Variants in CKAP5 observed in about 807,000 individuals in gnomAD.
CKAP5 encodes cytoskeleton-associated protein 5.
Under a neutral mutation model 232.8 loss-of-function variants are expected in CKAP5, and 27 were observed. That is an observed-to-expected ratio of 0.12 (90% CI 0.09 to 0.16). The LOEUF (loss-of-function observed/expected upper bound fraction) is 0.16, where lower values mean the gene tolerates loss of function less well. Ranked by LOEUF, CKAP5 falls within the 10% of genes least tolerant of loss-of-function variation. The pLI, the probability that CKAP5 is intolerant of heterozygous loss-of-function variation, is 1.00. For synonymous variants in CKAP5, 785 were observed against 841.1 expected (o/e 0.93, Z 1.16); for missense variants, 1,838 against 2,424.7 (o/e 0.76, Z 5.08).
At position 46,795,474 on chromosome 11, in the gene CKAP5, C is replaced by T. The variant is rs546196812; in HGVS notation, c.1650+120G>A. ...CCTATCTTCATTAACAGATTTTCTGCTGTATTTTTAATGTGGCCAATGAAT... is the reference window on the plus strand; with the variant it reads ...CCTATCTTCATTAACAGATTTTCTGTTGTATTTTTAATGTGGCCAATGAAT... On this transcript the variant is annotated intron_variant, in intron 13 of 43. Coordinates refer to ENST00000529230, the MANE Select transcript of CKAP5 (RefSeq NM_001008938.4). 73 of 736,874 alleles carry T rather than the reference C, an allele frequency of 9.9e-5. No individual in the cohort carries two copies. The African/African-American group carries it at 1.3e-3, about 13-fold the overall frequency. The allele number at this position is 736,874 out of a possible 1,614,324, so 45.6% of individuals were successfully genotyped here. A position where few individuals can be genotyped will look rare whatever the true frequency, so the allele number is the denominator to read the frequency against.
At chr11:46,773,112 C>G (rs1271451433) in intron 24 of CKAP5, among the ~76,000 whole-genome samples, 1 of 152,118 alleles carries the variant, frequency 6.6e-6, no homozygotes, top group Non-Finnish European at 1.5e-5. Context: ...AGGTAATTCT[C>G]TTTCATTACT....
chr11:46,797,892 A>G lies in CKAP5; in HGVS notation c.1251T>C (p.Ser417=). ...GGCGGAAACTTCTTGCAATAAAAAG[A>G]GATGTCTGCTGCTTGATGGTTGGAT... The part of the protein sequence containing the change: ...NKNPTIKQQT[S]LFIARSFRHC... The change falls in exon 11 of 44, where the codon TCT becomes TCC. Residue 417 remains serine (S), a synonymous_variant. Coordinates refer to ENST00000529230, the MANE Select transcript of CKAP5 (RefSeq NM_001008938.4). The G allele has an allele frequency of 6.2e-7, 1 of 1,614,102 alleles. No individual in the cohort carries two copies. The highest frequency in any genetic ancestry group is 1.1e-5 in the South Asian group (1 of 91,080).
At chr11:46,821,525 C>T (rs186450437) in intron 1 of CKAP5, among the ~76,000 whole-genome samples, 335 of 147,192 alleles carry the variant, frequency 2.3e-3, no homozygotes, top group African/African-American at 8.0e-3. Context: ...CCTGGGCTGA[C>T]GCCATTCTCC....
At chr11:46,835,875 TAATC>T (rs1355274969) in intron 1 of CKAP5, among the ~76,000 whole-genome samples, 1 of 152,216 alleles carries the variant, frequency 6.6e-6, no homozygotes, top group Non-Finnish European at 1.5e-5. Flanking sequence ...AACACTAACT[TAATC>T]AAGTGATCAT....
chr11:46,798,022 A>G (rs1938921409), intron 10 of CKAP5, 53 bp from the exon 11 acceptor site: 5 of 1,604,836 alleles, frequency 3.1e-6, no homozygotes, highest in Non-Finnish European at 4.3e-6. Flanking sequence ...AAGAACAATC[A>G]AAATATTATA....
chr11:46,833,909 G>T (rs1939854687), intron 1 of CKAP5, among the ~76,000 whole-genome samples: 1 of 151,766 alleles, frequency 6.6e-6, no homozygotes, highest in Non-Finnish European at 1.5e-5. Flanking sequence ...TGCTCTTGTT[G>T]CCCAGGCTGG....
chr11:46,789,973 C>T (rs183568171), intron 15 of CKAP5, 103 bp downstream of exon 15: 333 of 697,426 alleles, frequency 4.8e-4, no homozygotes, highest in African/African-American at 4.6e-3. Flanking sequence ...ACGTGTTCAC[C>T]GGTTATAAAA....
At chr11:46,831,612 T>G (rs1939795344) in intron 1 of CKAP5, among the ~76,000 whole-genome samples, 2 of 152,106 alleles carry the variant, frequency 1.3e-5, no homozygotes, top group Non-Finnish European at 2.9e-5. Flanking sequence ...CACTCTAGTC[T>G]CATCCTCCCA....
intron 8 of CKAP5, among the ~76,000 whole-genome samples, chr11:46,804,159 A>G (rs1279956165): frequency 6.6e-6 from 1 of 152,202 alleles, no homozygotes; most frequent in African/African-American, 2.4e-5. Flanking sequence ...CTAGACACTC[A>G]TGATCTTATT....
intron 8 of CKAP5, among the ~76,000 whole-genome samples, chr11:46,805,603 C>T (rs1453645455): frequency 6.6e-6 from 1 of 152,092 alleles, no homozygotes; most frequent in East Asian, 1.9e-4. Flanking sequence ...CAACATAATA[C>T]AAAGTTTGTG....
At chr11:46,827,508 T>TCCCA (rs983255538) in intron 1 of CKAP5, among the ~76,000 whole-genome samples, 1 of 151,978 alleles carries the variant, frequency 6.6e-6, no homozygotes, top group Admixed American at 6.6e-5. Flanking sequence ...ACAAGACTAG[T>TCCCA]CCCAGCTACT....
intron 30 of CKAP5, 46 bp downstream of exon 30, chr11:46,762,930 C>T (rs780589694): frequency 1.3e-6 from 2 of 1,538,916 alleles, no homozygotes; most frequent in African/African-American, 1.4e-5. Context: ...AAACTGAGGT[C>T]AGCTGGGAAC....
chr11:46,830,132 G>A lies in CKAP5; in HGVS notation c.-37-8864C>T, dbSNP rs1418765612. ...CCCAATGGAGAAAGTGATATGAAGA[G>A]GGATCAGAGAAAGATTAGAATAGAG... On this transcript the variant is annotated intron_variant, in intron 1 of 43. Coordinates refer to ENST00000529230, the MANE Select transcript of CKAP5 (RefSeq NM_001008938.4). 2.0e-5 allele frequency among the ~76,000 whole-genome samples: 3 copies of A among 151,918 alleles called. No homozygotes were observed. The East Asian group carries it at 5.8e-4, about 29-fold the overall frequency.
In CKAP5 at chr11:46,778,202, T is replaced by C. The variant is rs747566855; in HGVS notation, c.2685A>G (p.Gln895=). ...CAGTTGGAAGTTCACCTATATTCGG[T>C]TGGATAAATTTTGCGTCATTAATAA... is the stretch of plus-strand genomic sequence containing the variant. The part of the protein sequence containing the change: ...AGIINDAKFI[Q]PNIGELPTAL... The change falls in exon 22 of 44, where the codon CAA becomes CAG. Residue 895 remains glutamine (Q), a synonymous_variant. Transcript: ENST00000529230. 10 of 1,613,986 alleles carry C rather than the reference T, an allele frequency of 6.2e-6. No individual in the cohort carries two copies. Among genetic ancestry groups the C allele is most frequent in the East Asian group, 4.5e-5 (2 of 44,886 alleles).
rs750823299 is a variant in CKAP5, at chr11:46,795,717, A to C, written c.1527T>G (p.Ala509=). 6.2e-7 allele frequency: 1 copy of C among 1,614,114 alleles called. No individual in the cohort carries two copies. The highest frequency in any genetic ancestry group is 1.1e-5 in the South Asian group (1 of 91,082). ...GCAGAGGTTTGAATTCCTTCTTATCAGCAGCTAGTCCAGCTTTCTTACCAT... is the reference window on the plus strand; with the variant it reads ...GCAGAGGTTTGAATTCCTTCTTATCCGCAGCTAGTCCAGCTTTCTTACCAT... ...LIHGKKAGLA[A]DKKEFKPLPG... is the part of the protein sequence containing the mutation. The change falls in exon 13 of 44, where the codon GCT becomes GCG. Residue 509 remains alanine, a synonymous_variant. Transcript: ENST00000529230.
chr11:46,777,502 T>C lies in CKAP5; in HGVS notation c.2799A>G (p.Pro933=). 1 of 1,614,018 alleles carries C rather than the reference T, an allele frequency of 6.2e-7. No homozygotes were observed. The highest frequency in any genetic ancestry group is 8.5e-7 in the Non-Finnish European group (1 of 1,179,898). ...ILQQLAVAMG[P]NIKQHVKNLG... ...AATTTTTTACATGTTGCTTAATATT[T>C]GGGCCCATGGCTACTGCCAGTTGTT... Residue 933 remains proline (P), a synonymous_variant, in exon 23 of 44, where the codon CCA becomes CCG. Transcript: ENST00000529230.
chr11:46,822,741 C>CAAAAAAAAAAAA (rs57170422), intron 1 of CKAP5, among the ~76,000 whole-genome samples: 1 of 77,876 alleles, frequency 1.3e-5, no homozygotes, highest in African/African-American at 5.0e-5. Context: ...GACTCCGTCC[C>CAAAAAAAAAAAA]AAAAAAAAAA....
intron 31 of CKAP5, 21 bp from the exon 32 acceptor site, chr11:46,762,214 G>C: frequency 6.2e-7 from 1 of 1,606,396 alleles, no homozygotes; most frequent in Non-Finnish European, 8.5e-7. Flanking sequence ...AGAAAGGCTA[G>C]ATTAATGAGA....
At chr11:46,751,074 G>T in intron 40 of CKAP5, 44 bp downstream of exon 40, 1 of 1,611,476 alleles carries the variant, frequency 6.2e-7, no homozygotes, top group East Asian at 2.2e-5. Flanking sequence ...GATCACTTCC[G>T]GTGTAGCCTC....
Sources: gnomAD v4.1 joint callset for allele counts (sites outside exome capture counted in the v4.1 genomes callset) on GRCh38, gnomAD v4.1.1 for gene constraint, MANE v1.5 for transcripts, NCBI Gene and HGNC (gene_info 2026-07-23, HGNC 2026-07-21) for gene names.